DNAH12: variants seen among roughly 807,000 people sequenced by gnomAD.
DNAH12 encodes axonemal beta dynein heavy chain 12.
In DNAH12, 285 loss-of-function variants were observed where a neutral mutation model predicts 371.5. The observed-to-expected ratio is 0.77, with a 90% confidence interval of 0.70 to 0.85. The LOEUF is 0.85. Ranked by LOEUF, DNAH12 falls within the 40% of genes least tolerant of loss-of-function variation. DNAH12 has a pLI of 0.00. For synonymous variants in DNAH12, 1,200 were observed against 1,213.0 expected (o/e 0.99, Z 0.22); for missense variants, 3,611 against 3,689.4 (o/e 0.98, Z 0.55).
intron 49 of DNAH12, among the ~76,000 whole-genome samples, chr3:57,382,873 C>T (rs1428332093): frequency 6.6e-6 from 1 of 152,188 alleles, no homozygotes; most frequent in African/African-American, 2.4e-5. Flanking sequence ...CACTTACCCA[C>T]TCCAATATAT....
intron 55 of DNAH12, among the ~76,000 whole-genome samples, chr3:57,373,678 C>T (rs2063223708): frequency 6.6e-6 from 1 of 152,082 alleles, no homozygotes; most frequent in Non-Finnish European, 1.5e-5. Flanking sequence ...TCACGAAACA[C>T]ATGGAAATGG....
At chr3:57,361,726 G>C (rs1367860530) in intron 58 of DNAH12, among the ~76,000 whole-genome samples, 2 of 151,442 alleles carry the variant, frequency 1.3e-5, no homozygotes, top group Middle Eastern at 3.2e-3. Flanking sequence ...CAATTTTCCA[G>C]AGAAGAGTCA....
chr3:57,446,874 A>G lies in DNAH12; in HGVS notation c.3787-185T>C, dbSNP rs142437863. Among the ~76,000 whole-genome samples, 140 of 152,360 alleles carry G rather than the reference A, an allele frequency of 9.2e-4. 1 individual carries two copies. Among genetic ancestry groups the G allele is most frequent in the African/African-American group, 3.3e-3 (138 of 41,580 alleles). On this transcript the variant is annotated intron_variant, in intron 25 of 73. Transcript: ENST00000495027. The stretch of plus-strand genomic sequence containing the variant: ...AGAGAAAGCATTTTAAAACGTTCAA[A>G]AAAGTGACAATGTATCAAAACTTGT...
At position 57,510,966 on chromosome 3, in the gene DNAH12, T is replaced by C. The variant is rs1366003412; in HGVS notation, c.293A>G (p.Tyr98Cys). 6.3e-7 allele frequency: 1 copy of C among 1,596,532 alleles called. No individual in the cohort carries two copies. The highest frequency in any genetic ancestry group is 8.5e-7 in the Non-Finnish European group (1 of 1,176,268). The change falls in exon 5 of 74, where the codon TAT becomes TGT. Residue 98 changes from tyrosine to cysteine, a missense_variant. Around this residue, in one of 3 missense-constraint regions of DNAH12, gnomAD observed 1,314 missense variants for 1,398.7 expected, o/e 0.94. Transcript: ENST00000495027. ...EMKKKGFNYI[Y>C]MKQCVESSPL... is the part of the protein sequence containing the mutation. ...ACTACTTTCTACACATTGCTTCATA[T>C]AAATATAGTTGAACTGAGAACATAA...
chr3:57,394,564 G>A (rs1391763263), intron 43 of DNAH12, among the ~76,000 whole-genome samples: 2 of 152,144 alleles, frequency 1.3e-5, no homozygotes, highest in South Asian at 2.1e-4. Context: ...TTCAGAGGAT[G>A]GCATATGATT....
rs907369163 is a variant in DNAH12 at position 57,360,545 on chromosome 3, G to A, written c.9360+3049C>T. On this transcript the variant is annotated intron_variant, in intron 58 of 73. Coordinates refer to ENST00000495027, the MANE Select transcript of DNAH12 (RefSeq NM_001366028.2). Reference sequence around the variant, plus strand: ...CTCTACTAAAAATACAAAATTAGCCGGGTGTGGTGGCTTATGCCTGTAATC... The same window carrying A: ...CTCTACTAAAAATACAAAATTAGCCAGGTGTGGTGGCTTATGCCTGTAATC... Among the ~76,000 whole-genome samples the A allele has an allele frequency of 5.3e-5, 8 of 152,028 alleles. No individual in the cohort carries two copies. In the East Asian group the frequency reaches 5.8e-4, roughly 11 times the overall value.
At chr3:57,337,351 A>C (rs1445018359) in intron 60 of DNAH12, among the ~76,000 whole-genome samples, 2 of 152,084 alleles carry the variant, frequency 1.3e-5, no homozygotes, top group African/African-American at 4.8e-5. Flanking sequence ...TTTAATAATA[A>C]AATTTTTGTA....
chr3:57,550,674 A>G, the DNAH12 span, among the ~76,000 whole-genome samples: 8 of 151,050 alleles, frequency 5.3e-5, no homozygotes, highest in East Asian at 9.8e-4. Flanking sequence ...CACGACGCCC[A>G]GCTAAATTTT....
At chr3:57,297,287 G>T in intron 70 of DNAH12, 2 of 336,196 alleles carry the variant, frequency 5.9e-6, no homozygotes, top group Non-Finnish European at 1.1e-5. Flanking sequence ...CCACTCAAAA[G>T]CAACCATCAT....
chr3:57,438,918 C>CAAAAAAAA (rs57608649), intron 29 of DNAH12, among the ~76,000 whole-genome samples: 10 of 94,536 alleles, frequency 1.1e-4, no homozygotes, highest in South Asian at 4.5e-4. Context: ...CTGTCTCAGA[C>CAAAAAAAA]AAAAAAAAAA....
At chr3:57,539,298 T>C (rs2069175077) in intron 2 of DNAH12, among the ~76,000 whole-genome samples, 1 of 152,230 alleles carries the variant, frequency 6.6e-6, no homozygotes, top group Non-Finnish European at 1.5e-5. Context: ...CTGAATTCTT[T>C]GTCATGGCCG....
At chr3:57,550,535 CAG>C in the DNAH12 span, among the ~76,000 whole-genome samples, 3 of 151,776 alleles carry the variant, frequency 2.0e-5, no homozygotes, top group South Asian at 4.2e-4. Flanking sequence ...TTTTTTGAGA[CAG>C]AGTCTCACTC....
At chr3:57,482,881 A>G (rs2066794305) in intron 13 of DNAH12, among the ~76,000 whole-genome samples, 1 of 132,644 alleles carries the variant, frequency 7.5e-6, no homozygotes, top group Admixed American at 9.1e-5. Flanking sequence ...ATGAGAACAC[A>G]TGGACACAGG....
chr3:57,421,966 G>A (rs1318251499), intron 35 of DNAH12, among the ~76,000 whole-genome samples: 2 of 145,100 alleles, frequency 1.4e-5, no homozygotes, highest in Non-Finnish European at 3.0e-5. Context: ...GAGTACAGTG[G>A]CACCATCTCA....
In DNAH12 at chr3:57,530,555, T is replaced by C. The variant is rs183714420; in HGVS notation, c.171-6671A>G. 836 of 691,938 alleles carry C rather than the reference T, an allele frequency of 1.2e-3. 2 individuals are homozygous for C. The highest frequency in any genetic ancestry group is 0.011 in the African/African-American group (624 of 56,556). The allele number at this position is 691,938 out of a possible 1,614,324, so 42.9% of individuals were successfully genotyped here. On this transcript the variant is annotated intron_variant, in intron 2 of 73. Coordinates refer to ENST00000495027, the MANE Select transcript of DNAH12 (RefSeq NM_001366028.2). ...TCTTCTAAATTTTTTTAGATTGTTTTTTGTTTAAAATCTCTTCCTCCTCAG... is the reference window on the plus strand; with the variant it reads ...TCTTCTAAATTTTTTTAGATTGTTTCTTGTTTAAAATCTCTTCCTCCTCAG...
intron 69 of DNAH12, among the ~76,000 whole-genome samples, chr3:57,306,300 T>C (rs2061469122): frequency 6.6e-6 from 1 of 152,154 alleles, no homozygotes; most frequent in African/African-American, 2.4e-5. Flanking sequence ...CAAGGGTCTG[T>C]TTCCCTTGCC....
intron 23 of DNAH12, among the ~76,000 whole-genome samples, chr3:57,454,315 A>G (rs1392590740): frequency 6.6e-6 from 1 of 151,876 alleles, no homozygotes; most frequent in Non-Finnish European, 1.5e-5. Context: ...ACCCCATCTC[A>G]ACTAAAAATA....
Position 57,364,887 on chromosome 3 carries a change from C to A in DNAH12, c.9168-1101G>T, listed in dbSNP as rs2063013512. ...ACAAGCTCAACATCACTGATCATTACAGAAATGTAAATCAAAACCACAATG... is the reference window on the plus strand; with the variant it reads ...ACAAGCTCAACATCACTGATCATTAAAGAAATGTAAATCAAAACCACAATG... On this transcript the variant is annotated intron_variant, in intron 57 of 73. Transcript: ENST00000495027. Among the ~76,000 whole-genome samples, 10 of 152,246 alleles carry A rather than the reference C, an allele frequency of 6.6e-5. No individual in the cohort carries two copies. The South Asian group carries it at 1.9e-3, about 28-fold the overall frequency.
Position 57,428,785 on chromosome 3 carries a change from CCAAATAAATCATACCA to C in DNAH12, c.5085_5100del (p.Cys1695TrpfsTer6). 2 of 1,546,020 alleles carry C rather than the reference CCAAATAAATCATACCA, an allele frequency of 1.3e-6. No individual in the cohort carries two copies. Among genetic ancestry groups the C allele is most frequent in the Non-Finnish European group, 1.7e-6 (2 of 1,145,674 alleles). ...GGTTCCCATCCTAACTGTGAAGGCT[CCAAATAAATCATACCA>C]CAACGACTTACAGTGGCAGGCTAGA... On this transcript the variant is annotated frameshift_variant, in exon 34 of 74. Transcript: ENST00000495027. LOFTEE classifies it high-confidence loss of function.
Sources: allele counts gnomAD v4.1 joint callset (sites outside exome capture counted in the v4.1 genomes callset), GRCh38; gene constraint gnomAD v4.1.1; regional missense constraint gnomAD v4.1.1; transcripts MANE v1.5; gene names NCBI Gene and HGNC (gene_info 2026-07-23, HGNC 2026-07-21).